SOS1: variants seen among roughly 807,000 people sequenced by gnomAD.
SOS1 encodes son of sevenless homolog 1.
Under a neutral mutation model 157.6 loss-of-function variants are expected in SOS1, and 25 were observed. That is an observed-to-expected ratio of 0.16 (90% CI 0.12 to 0.22). SOS1 has a LOEUF of 0.22. SOS1 is among the 10% of genes least tolerant of loss of function. The pLI, the probability that SOS1 is intolerant of heterozygous loss-of-function variation, is 1.00. For missense variants in SOS1, 1,237 were observed against 1,599.1 expected (o/e 0.77, Z 3.86); for synonymous variants, 528 against 534.0 (o/e 0.99, Z 0.16).
intron 1 of SOS1, among the ~76,000 whole-genome samples, chr2:39,080,810 T>C (rs1672174029): frequency 1.3e-5 from 2 of 152,072 alleles, no homozygotes; most frequent in Non-Finnish European, 2.9e-5. Context: ...TGGCTATCAA[T>C]AAATAATATT....
intron 1 of SOS1, among the ~76,000 whole-genome samples, chr2:39,117,830 G>A (rs939454606): frequency 6.6e-6 from 1 of 152,180 alleles, no homozygotes; most frequent in Non-Finnish European, 1.5e-5. Context: ...AGTGTGCACA[G>A]TAATACAAAG....
At chr2:39,046,652 G>A (rs967379836) in intron 6 of SOS1, among the ~76,000 whole-genome samples, 14 of 151,836 alleles carry the variant, frequency 9.2e-5, no homozygotes, top group East Asian at 1.9e-4. Flanking sequence ...CTACAGGTGC[G>A]CACCACCACA....
At chr2:39,068,603 T>A (rs1396390505) in intron 1 of SOS1, among the ~76,000 whole-genome samples, 1 of 152,176 alleles carries the variant, frequency 6.6e-6, no homozygotes, top group Non-Finnish European at 1.5e-5. Context: ...TCACCCTGTA[T>A]CAAAGGACAC....
rs917097113 is a variant in SOS1, at chr2:38,984,651, T to C, written c.*1173A>G. The C allele has an allele frequency of 2.0e-5, 3 of 152,178 alleles. No homozygotes were observed. Among genetic ancestry groups the C allele is most frequent in the African/African-American group, 7.2e-5 (3 of 41,452 alleles). The allele number at this position is 152,178 out of a possible 1,614,324, so 9.4% of individuals were successfully genotyped here. ...CCACAAAACGTGCTTTTATGTTTAG[T>C]GTTTTTGTGTGTTTTTCAACTAAAA... On this transcript the variant is annotated 3_prime_UTR_variant, in exon 23 of 23. Transcript: ENST00000402219.
intron 1 of SOS1, among the ~76,000 whole-genome samples, chr2:39,087,171 A>G (rs1672411132): frequency 6.6e-6 from 1 of 152,212 alleles, no homozygotes. Flanking sequence ...GGCCGCTTCA[A>G]TGCAAGGGAA....
chr2:39,043,753 C>T (rs1201024132), intron 6 of SOS1, among the ~76,000 whole-genome samples: 2 of 152,244 alleles, frequency 1.3e-5, no homozygotes, highest in African/African-American at 2.4e-5. Context: ...TTTATAAAAA[C>T]AGGCCTGACA....
upstream of SOS1, among the ~76,000 whole-genome samples, chr2:39,121,295 G>T (rs916166947): frequency 1.3e-5 from 2 of 152,168 alleles, no homozygotes; most frequent in African/African-American, 4.8e-5. Context: ...TGGCCTGGCC[G>T]TGAGGGCTCC....
At chr2:39,008,514 A>T (rs915192058) in intron 15 of SOS1, among the ~76,000 whole-genome samples, 1 of 152,222 alleles carries the variant, frequency 6.6e-6, no homozygotes, top group Non-Finnish European at 1.5e-5. Context: ...GCAATGGGGA[A>T]GAGATTTGTG....
At chr2:39,093,253 T>C (rs1481545781) in intron 1 of SOS1, among the ~76,000 whole-genome samples, 1 of 152,228 alleles carries the variant, frequency 6.6e-6, no homozygotes, top group Non-Finnish European at 1.5e-5. Flanking sequence ...ATTTCTATCA[T>C]ATTTTCCTGA....
intron 8 of SOS1, 73 bp downstream of exon 8, chr2:39,035,139 T>C: frequency 1.0e-6 from 1 of 953,406 alleles, no homozygotes; most frequent in Non-Finnish European, 1.7e-6. Flanking sequence ...CACACAATAA[T>C]TTACAAATGA....
chr2:39,081,032 AT>A (rs1164510496), intron 1 of SOS1, among the ~76,000 whole-genome samples: 1 of 151,810 alleles, frequency 6.6e-6, no homozygotes, highest in Non-Finnish European at 1.5e-5. Context: ...CAAAAAAAAA[AT>A]AATAAAAAAA....
At chr2:39,052,021 T>C (rs974333173) in intron 5 of SOS1, among the ~76,000 whole-genome samples, 1 of 152,086 alleles carries the variant, frequency 6.6e-6, no homozygotes, top group Non-Finnish European at 1.5e-5. Context: ...AAACCTATGA[T>C]TTTTTTGGAA....
chr2:39,055,519 C>A (rs1207964668), intron 4 of SOS1, among the ~76,000 whole-genome samples: 2 of 152,112 alleles, frequency 1.3e-5, no homozygotes, highest in Non-Finnish European at 2.9e-5. Context: ...TAAAAAGCAT[C>A]AAGTATTTCG....
chr2:38,993,512 G>C (rs1668796201), intron 20 of SOS1: 1 of 152,116 alleles, frequency 6.6e-6, no homozygotes, highest in Non-Finnish European at 1.5e-5. Context: ...GGTAACTACA[G>C]ACGTATGTAT....
intron 1 of SOS1, among the ~76,000 whole-genome samples, chr2:39,112,027 C>T (rs1363716596): frequency 6.6e-6 from 1 of 151,978 alleles, no homozygotes; most frequent in African/African-American, 2.4e-5. Context: ...TAACAATTGT[C>T]ATCATCTCTA....
chr2:39,037,260 G>C (rs1670388516), intron 6 of SOS1, among the ~76,000 whole-genome samples: 2 of 152,234 alleles, frequency 1.3e-5, no homozygotes, highest in Admixed American at 1.3e-4. Flanking sequence ...CATGAATACA[G>C]TGGACGGAAG....
At chr2:39,036,994 T>C (rs573266650) in intron 6 of SOS1, among the ~76,000 whole-genome samples, 12 of 152,328 alleles carry the variant, frequency 7.9e-5, no homozygotes, top group Non-Finnish European at 1.3e-4. Context: ...TAAGAAATGA[T>C]TGAACAGTAA....
At chr2:39,083,299 G>C (rs1672271006) in intron 1 of SOS1, among the ~76,000 whole-genome samples, 1 of 152,044 alleles carries the variant, frequency 6.6e-6, no homozygotes, top group Admixed American at 6.6e-5. Flanking sequence ...ATCTAGTGAA[G>C]CACCTACATC....
At chr2:39,081,248 G>C (rs1672191207) in intron 1 of SOS1, among the ~76,000 whole-genome samples, 1 of 152,116 alleles carries the variant, frequency 6.6e-6, no homozygotes, top group Admixed American at 6.5e-5. Context: ...GGCTGGGTGT[G>C]GTGGTTCAGG....
Sources: allele counts gnomAD v4.1 joint callset (sites outside exome capture counted in the v4.1 genomes callset), GRCh38; gene constraint gnomAD v4.1.1; transcripts MANE v1.5; gene names NCBI Gene and HGNC (gene_info 2026-07-23, HGNC 2026-07-21).